Variants in BLOC1S5 observed in about 807,000 individuals in gnomAD.
BLOC1S5 encodes the protein biogenesis of lysosomal organelles complex 1 subunit 5.
BLOC1S5 carries 27 observed loss-of-function variants against 24.3 expected under a neutral mutation model. The ratio of observed to expected loss-of-function variants is 1.11; its 90% CI spans 0.82 to 1.53. BLOC1S5 has a LOEUF of 1.53. Among genes scored for constraint, BLOC1S5 ranks in the 40% most tolerant of loss-of-function variants. The pLI is 0.00. For missense variants in BLOC1S5, 239 were observed against 229.4 expected, an observed-to-expected ratio of 1.04 and a Z score of -0.27; for synonymous variants, 84 against 74.5, an observed-to-expected ratio of 1.13 and a Z score of -0.66.
chr6:8,061,182 A>T (rs1764499557), intron 2 of BLOC1S5, among the ~76,000 whole-genome samples: 1 of 152,198 alleles, frequency 6.6e-6, no homozygotes, highest in Non-Finnish European at 1.5e-5. Flanking sequence ...GTAAAGGAAT[A>T]GTCTCTGGAT....
intron 3 of BLOC1S5, among the ~76,000 whole-genome samples, chr6:8,037,591 G>T (rs1182400661): frequency 6.6e-6 from 1 of 151,998 alleles, no homozygotes; most frequent in African/African-American, 2.4e-5. Flanking sequence ...AAATACCAAC[G>T]ACATTTTTCA....
chr6:8,025,827 G>C (rs1209160345), intron 4 of BLOC1S5, among the ~76,000 whole-genome samples: 1 of 152,180 alleles, frequency 6.6e-6, no homozygotes, highest in Non-Finnish European at 1.5e-5. Context: ...AACACTTTAT[G>C]AAAATTGCAA....
chr6:8,031,441 A>G (rs546853061), intron 3 of BLOC1S5, among the ~76,000 whole-genome samples: 74 of 152,304 alleles, frequency 4.9e-4, no homozygotes, highest in Middle Eastern at 3.4e-3. Context: ...TCTACAAGGA[A>G]AACTACAAAA....
intron 3 of BLOC1S5, among the ~76,000 whole-genome samples, chr6:8,034,777 A>T (rs1763429205): frequency 1.3e-5 from 2 of 152,166 alleles, no homozygotes; most frequent in South Asian, 2.1e-4. Flanking sequence ...TGATCCAGCA[A>T]TCCCACTACT....
chr6:8,061,832 T>G (rs1764525112), intron 2 of BLOC1S5, among the ~76,000 whole-genome samples: 1 of 152,236 alleles, frequency 6.6e-6, no homozygotes, highest in Non-Finnish European at 1.5e-5. Flanking sequence ...CAAGATGGCA[T>G]GTTCATGCAT....
chr6:8,032,347 A>C (rs1289848474), intron 3 of BLOC1S5, among the ~76,000 whole-genome samples: 1 of 152,196 alleles, frequency 6.6e-6, no homozygotes, highest in Non-Finnish European at 1.5e-5. Context: ...TGGCCAACAA[A>C]CATATGAAAA....
At position 8,064,363 on chromosome 6, in the gene BLOC1S5, C is replaced by A. The variant is rs1757380979; in HGVS notation, c.14G>T (p.Gly5Val). Reference sequence around the variant, plus strand: ...CTCACAACCCACAGGGGTCTCTGTCCCTCCGCCACTCATCCCGACCAGTTC... The same window carrying A: ...CTCACAACCCACAGGGGTCTCTGTCACTCCGCCACTCATCCCGACCAGTTC... Reference protein sequence around the residue: MSGGGTETPVGCEAA... With the variant: MSGGVTETPVGCEAA... The change falls in exon 1 of 5, where the codon GGG becomes GTG. Residue 5 changes from glycine (G) to valine (V), a missense_variant. By Grantham distance (109) the Gly-to-Val change is moderately radical (BLOSUM62 -3). Coordinates refer to ENST00000397457, the MANE Select transcript of BLOC1S5 (RefSeq NM_201280.3). 6.2e-7 allele frequency: 1 copy of A among 1,610,490 alleles called. No individual in the cohort carries two copies. The highest frequency in any genetic ancestry group is 1.3e-5 in the African/African-American group (1 of 74,922).
intron 3 of BLOC1S5, among the ~76,000 whole-genome samples, chr6:8,030,194 C>G (rs537197130): frequency 2.6e-5 from 4 of 152,258 alleles, no homozygotes; most frequent in African/African-American, 9.6e-5. Context: ...GGGTCTCACT[C>G]TGTTGCCCAA....
At chr6:8,044,135 T>C (rs1012972080) in intron 2 of BLOC1S5, among the ~76,000 whole-genome samples, 9 of 151,742 alleles carry the variant, frequency 5.9e-5, no homozygotes, top group Admixed American at 5.9e-4. Context: ...TACAAAAAAA[T>C]TAGCCAGGCG....
chr6:8,055,984 T>C (rs1157623427), intron 2 of BLOC1S5, among the ~76,000 whole-genome samples: 1 of 152,180 alleles, frequency 6.6e-6, no homozygotes, highest in African/African-American at 2.4e-5. Flanking sequence ...CCCTCATGAA[T>C]GGATTAAGGC....
intron 3 of BLOC1S5, among the ~76,000 whole-genome samples, chr6:8,032,733 G>A (rs942196045): frequency 1.2e-4 from 19 of 152,154 alleles, no homozygotes; most frequent in Non-Finnish European, 2.2e-4. Context: ...AAACCCCATC[G>A]TCTCAGCCCA....
chr6:8,055,299 G>A (rs1199345535), intron 2 of BLOC1S5, among the ~76,000 whole-genome samples: 1 of 152,194 alleles, frequency 6.6e-6, no homozygotes, highest in African/African-American at 2.4e-5. Context: ...GCCAGGTGTG[G>A]TGGCGTGTGC....
At chr6:8,022,430 T>C (rs1762944083) in intron 4 of BLOC1S5, among the ~76,000 whole-genome samples, 2 of 151,920 alleles carry the variant, frequency 1.3e-5, no homozygotes, top group South Asian at 4.2e-4. Context: ...GTAATATGCA[T>C]GCCATTAATT....
At chr6:8,045,457 G>A (rs935574635) in intron 2 of BLOC1S5, among the ~76,000 whole-genome samples, 3 of 152,192 alleles carry the variant, frequency 2.0e-5, no homozygotes, top group Admixed American at 6.5e-5. Flanking sequence ...CTGGGGCACT[G>A]CCTAGCGGAG....
chr6:8,024,514 C>CAAA (rs60853006), intron 4 of BLOC1S5, among the ~76,000 whole-genome samples: 8,434 of 65,396 alleles, frequency 0.13, 835 homozygotes, highest in South Asian at 0.24. Flanking sequence ...GACTCCATCT[C>CAAA]AAAAAAAAAA....
At chr6:8,023,574 A>G (rs749213408) in intron 4 of BLOC1S5, among the ~76,000 whole-genome samples, 1 of 148,706 alleles carries the variant, frequency 6.7e-6, no homozygotes, top group Non-Finnish European at 1.5e-5. Flanking sequence ...TGGGTGACGG[A>G]GTGAGACTCC....
chr6:8,059,167 G>A (rs1292298944), intron 2 of BLOC1S5, among the ~76,000 whole-genome samples: 7 of 152,198 alleles, frequency 4.6e-5, no homozygotes, highest in Non-Finnish European at 1.0e-4. Flanking sequence ...GATTCCACCT[G>A]AAAGGTGAGA....
At chr6:8,049,285 C>T (rs1328598904) in intron 2 of BLOC1S5, among the ~76,000 whole-genome samples, 2 of 151,838 alleles carry the variant, frequency 1.3e-5, no homozygotes, top group Middle Eastern at 3.2e-3. Context: ...GCAGGAGAAT[C>T]GCTTGAACTT....
At chr6:8,027,753 G>A (rs7739495) in intron 3 of BLOC1S5, among the ~76,000 whole-genome samples, 5,891 of 148,676 alleles carry the variant, frequency 0.04, 360 homozygotes, top group African/African-American at 0.13. Flanking sequence ...ACAATCGCTC[G>A]AACCTGGTGC....
Sources: allele counts gnomAD v4.1 joint callset (sites outside exome capture counted in the v4.1 genomes callset), GRCh38; gene constraint gnomAD v4.1.1; transcripts MANE v1.5; gene names NCBI Gene and HGNC (gene_info 2026-07-23, HGNC 2026-07-21).